CADPS2: variants seen among roughly 807,000 people sequenced by gnomAD.
CADPS2 encodes calcium-dependent secretion activator 2.
CADPS2 carries 93 observed loss-of-function variants against 172.5 expected under a neutral mutation model. That is an observed-to-expected ratio of 0.54 (90% CI 0.46 to 0.64). The LOEUF (loss-of-function observed/expected upper bound fraction) is 0.64, where lower values mean the gene tolerates loss of function less well. Ranked by LOEUF, CADPS2 falls within the 30% of genes least tolerant of loss-of-function variation. CADPS2 has a pLI of 0.00. For synonymous variants in CADPS2, 546 were observed against 555.2 expected, an observed-to-expected ratio of 0.98 and a Z score of 0.23; for missense variants, 1,420 against 1,565.9, an observed-to-expected ratio of 0.91 and a Z score of 1.57.
intron 3 of CADPS2, among the ~76,000 whole-genome samples, chr7:122,651,647 GA>G (rs2079157779): frequency 1.3e-5 from 2 of 152,234 alleles, no homozygotes; most frequent in Admixed American, 6.5e-5. Context: ...TGGGAGGAGG[GA>G]TAAGTGAACA....
intron 3 of CADPS2, among the ~76,000 whole-genome samples, chr7:122,656,802 C>A (rs1217221383): frequency 6.6e-6 from 1 of 152,156 alleles, no homozygotes; most frequent in Non-Finnish European, 1.5e-5. Context: ...TGCAGAAGAT[C>A]TTTAGTTTAA....
At chr7:122,541,232 T>G (rs1458428212) in intron 8 of CADPS2, among the ~76,000 whole-genome samples, 2 of 150,966 alleles carry the variant, frequency 1.3e-5, no homozygotes, top group Non-Finnish European at 3.0e-5. Context: ...GGAGTCTCAC[T>G]GTTGCCCAGG....
chr7:122,702,649 TC>T (rs752540950), intron 2 of CADPS2: 1 of 1,613,484 alleles, frequency 6.2e-7, no homozygotes, highest in South Asian at 1.1e-5. Context: ...AAATGGCTTT[TC>T]CGTTTGAGTC....
At chr7:122,821,309 C>T (rs915057677) in intron 1 of CADPS2, among the ~76,000 whole-genome samples, 7 of 152,090 alleles carry the variant, frequency 4.6e-5, no homozygotes, top group African/African-American at 1.4e-4. Context: ...GCCACTAGCC[C>T]GCCTCTTAGA....
chr7:122,454,506 A>G (rs1302814733), intron 14 of CADPS2, among the ~76,000 whole-genome samples: 1 of 152,218 alleles, frequency 6.6e-6, no homozygotes, highest in Non-Finnish European at 1.5e-5. Flanking sequence ...AAAAGCAATA[A>G]TGGAGTATTT....
intron 1 of CADPS2, among the ~76,000 whole-genome samples, chr7:122,810,669 A>G (rs1365751637): frequency 6.6e-6 from 1 of 152,158 alleles, no homozygotes; most frequent in African/African-American, 2.4e-5. Flanking sequence ...TCTGGGGCTC[A>G]GGAATTTGCT....
At chr7:122,488,197 A>G (rs1244089971) in intron 11 of CADPS2, among the ~76,000 whole-genome samples, 2 of 152,172 alleles carry the variant, frequency 1.3e-5, no homozygotes, top group African/African-American at 4.8e-5. Flanking sequence ...GGTTTTGGGA[A>G]GAGATTTGAC....
chr7:122,709,800 C>G (rs577026284), intron 2 of CADPS2, among the ~76,000 whole-genome samples: 18 of 151,826 alleles, frequency 1.2e-4, no homozygotes, highest in African/African-American at 4.1e-4. Context: ...AGTAAACTAT[C>G]GCAAGGACAA....
At chr7:122,363,387 C>G (rs1290910999) in intron 25 of CADPS2, among the ~76,000 whole-genome samples, 1 of 151,968 alleles carries the variant, frequency 6.6e-6, no homozygotes, top group African/African-American at 2.4e-5. Context: ...TGAGTCTGTG[C>G]ATACACACAT....
intron 1 of CADPS2, among the ~76,000 whole-genome samples, chr7:122,758,512 T>A (rs2093258489): frequency 6.6e-6 from 1 of 152,200 alleles, no homozygotes; most frequent in Admixed American, 6.5e-5. Context: ...TGTGAAATAA[T>A]ATTTTTGAGC....
intron 7 of CADPS2, among the ~76,000 whole-genome samples, chr7:122,572,458 G>A (rs1253184309): frequency 6.6e-6 from 1 of 152,008 alleles, no homozygotes; most frequent in Non-Finnish European, 1.5e-5. Flanking sequence ...ATCTATTAAT[G>A]GACAATAGGT....
intron 20 of CADPS2, 136 bp from the exon 21 acceptor site, chr7:122,393,718 A>AC: frequency 1.2e-6 from 1 of 817,454 alleles, no homozygotes; most frequent in Non-Finnish European, 2.0e-6. Context: ...AGTAGATCAT[A>AC]CCCCCCATAT....
intron 2 of CADPS2, among the ~76,000 whole-genome samples, chr7:122,706,713 C>A (rs2087585808): frequency 6.8e-6 from 1 of 146,044 alleles, no homozygotes; most frequent in Non-Finnish European, 1.5e-5. Context: ...ATTCCTTGCT[C>A]ATATATATGT....
intron 11 of CADPS2, among the ~76,000 whole-genome samples, chr7:122,483,290 C>A (rs987061582): frequency 5.0e-4 from 76 of 151,940 alleles, no homozygotes; most frequent in African/African-American, 1.6e-3. Context: ...GAGGAAAAAA[C>A]CAAAATAGCA....
rs562113286 is a variant in CADPS2 at position 122,869,783 on chromosome 7, C to T, written c.339+16216G>A. ...AGCTTTAATAATTTGCTAACTGACA[C>T]AAACAGTAAAAGATACAAAATATGT... On this transcript the variant is annotated intron_variant, in intron 1 of 29. Transcript: ENST00000449022. Among the ~76,000 whole-genome samples the T allele has an allele frequency of 2.0e-5, 3 of 152,086 alleles. No individual in the cohort carries two copies. The East Asian group carries it at 5.8e-4, about 29-fold the overall frequency.
At chr7:122,748,859 C>T (rs892836433) in intron 1 of CADPS2, among the ~76,000 whole-genome samples, 1 of 151,974 alleles carries the variant, frequency 6.6e-6, no homozygotes, top group Non-Finnish European at 1.5e-5. Context: ...ACTCAAAACG[C>T]CCTGTTAAAC....
intron 1 of CADPS2, among the ~76,000 whole-genome samples, chr7:122,786,601 C>G (rs1794096588): frequency 6.6e-6 from 1 of 151,942 alleles, no homozygotes; most frequent in Non-Finnish European, 1.5e-5. Context: ...ATGGCACAAC[C>G]TTTGTGGATA....
At chr7:122,628,719 CAAATA>C (rs1241158924) in intron 4 of CADPS2, among the ~76,000 whole-genome samples, 5 of 149,610 alleles carry the variant, frequency 3.3e-5, no homozygotes, top group South Asian at 2.1e-4. Flanking sequence ...AGTGATCACA[CAAATA>C]AAATAAGTAC....
At chr7:122,603,362 T>C (rs1409180025) in intron 6 of CADPS2, among the ~76,000 whole-genome samples, 1 of 152,030 alleles carries the variant, frequency 6.6e-6, no homozygotes, top group East Asian at 1.9e-4. Flanking sequence ...ACTCAATCGT[T>C]TATTAAGTGT....
Sources: allele counts gnomAD v4.1 joint callset (sites outside exome capture counted in the v4.1 genomes callset), GRCh38; gene constraint gnomAD v4.1.1; transcripts MANE v1.5; gene names NCBI Gene and HGNC (gene_info 2026-07-23, HGNC 2026-07-21).